Variants in CCDC148 observed in about 807,000 individuals in gnomAD.
The protein encoded by CCDC148 is coiled-coil domain-containing protein 148.
CCDC148 carries 89 observed loss-of-function variants against 85.7 expected under a neutral mutation model. That is an observed-to-expected ratio of 1.04 (90% CI 0.87 to 1.24). The LOEUF (loss-of-function observed/expected upper bound fraction) is 1.24, where lower values mean the gene tolerates loss of function less well. Among genes scored for constraint, CCDC148 ranks in the 50% most tolerant of loss-of-function variants. CCDC148 has a pLI of 0.00. For missense variants in CCDC148, 692 were observed against 671.7 expected (o/e 1.03, Z -0.33); for synonymous variants, 230 against 213.9 (o/e 1.08, Z -0.66).
chr2:158,344,241 T>C (rs1228466392), intron 3 of CCDC148, among the ~76,000 whole-genome samples: 1 of 152,132 alleles, frequency 6.6e-6, no homozygotes, highest in African/African-American at 2.4e-5. Flanking sequence ...ATGGGTCTAA[T>C]TTCATTGTAT....
intron 11 of CCDC148, among the ~76,000 whole-genome samples, chr2:158,192,705 G>C (rs1685480299): frequency 6.6e-6 from 1 of 151,750 alleles, no homozygotes; most frequent in African/African-American, 2.4e-5. Context: ...AACAGACCTG[G>C]CTCTCTCATG....
At chr2:158,382,034 T>A (rs1310993625) in intron 1 of CCDC148, among the ~76,000 whole-genome samples, 1 of 152,132 alleles carries the variant, frequency 6.6e-6, no homozygotes, top group African/African-American at 2.4e-5. Context: ...ATGGGATTAG[T>A]GTCCTTACAA....
rs547559289 is a variant in CCDC148, at chr2:158,246,521, A to G, written c.1251+4251T>C. 2.0e-5 allele frequency among the ~76,000 whole-genome samples: 3 copies of G among 152,230 alleles called. No homozygotes were observed. The East Asian group carries it at 5.8e-4, about 29-fold the overall frequency. ...CACACACTGCCCCAGTGCCAAAAATAAACATGGAACCTAAAGTCAGAGCAG... is the reference window on the plus strand; with the variant it reads ...CACACACTGCCCCAGTGCCAAAAATGAACATGGAACCTAAAGTCAGAGCAG... On this transcript the variant is annotated intron_variant, in intron 10 of 13. Coordinates refer to ENST00000283233, the MANE Select transcript of CCDC148 (RefSeq NM_138803.4).
chr2:158,225,113 A>G (rs1355164749), intron 10 of CCDC148, among the ~76,000 whole-genome samples: 1 of 152,208 alleles, frequency 6.6e-6, no homozygotes, highest in Non-Finnish European at 1.5e-5. Flanking sequence ...AGGAAGATCT[A>G]CCAAGCAAAA....
chr2:158,357,642 T>C (rs1260843624), intron 2 of CCDC148, among the ~76,000 whole-genome samples: 2 of 152,186 alleles, frequency 1.3e-5, no homozygotes, highest in African/African-American at 4.8e-5. Context: ...TCCCTGGCTT[T>C]TAAGTGGTCG....
chr2:158,436,396 A>C (rs1385020904), intron 1 of CCDC148, among the ~76,000 whole-genome samples: 1 of 152,126 alleles, frequency 6.6e-6, no homozygotes, highest in Admixed American at 6.6e-5. Flanking sequence ...CTAACGAAAT[A>C]AGGCAGAAAT....
intron 11 of CCDC148, among the ~76,000 whole-genome samples, chr2:158,218,700 C>A (rs1687016324): frequency 6.6e-6 from 1 of 152,124 alleles, no homozygotes. Flanking sequence ...GTTGCCTTGC[C>A]CTTTAGTATT....
chr2:158,446,172 A>AC (rs1314946228), intron 1 of CCDC148, among the ~76,000 whole-genome samples: 1 of 152,004 alleles, frequency 6.6e-6, no homozygotes, highest in East Asian at 1.9e-4. Flanking sequence ...ACATAGTGAG[A>AC]CCCCATCTCT....
chr2:158,354,035 C>G (rs1047170831), intron 2 of CCDC148, among the ~76,000 whole-genome samples: 5 of 151,982 alleles, frequency 3.3e-5, no homozygotes, highest in Non-Finnish European at 7.4e-5. Flanking sequence ...CCAATGAGAA[C>G]AAAGACACAA....
intron 9 of CCDC148, among the ~76,000 whole-genome samples, chr2:158,307,514 T>C (rs182777699): frequency 1.5e-4 from 23 of 152,332 alleles, no homozygotes; most frequent in Admixed American, 1.5e-3. Context: ...GCTAAACACA[T>C]CTGAGCCTTA....
chr2:158,217,429 G>A (rs1036927233), intron 11 of CCDC148, among the ~76,000 whole-genome samples: 5 of 147,564 alleles, frequency 3.4e-5, no homozygotes, highest in East Asian at 2.0e-4. Context: ...TTGAGATGGC[G>A]TCTCGCTCTG....
At chr2:158,424,974 CAA>C in intron 1 of CCDC148, 1 of 348,616 alleles carries the variant, frequency 2.9e-6, no homozygotes. Context: ...TTGCACAACC[CAA>C]AGAGATATAG....
At chr2:158,449,110 G>GCCA (rs1387142039) in intron 1 of CCDC148, among the ~76,000 whole-genome samples, 3 of 152,190 alleles carry the variant, frequency 2.0e-5, no homozygotes, top group African/African-American at 7.2e-5. Flanking sequence ...ACAGGCATGA[G>GCCA]CCACCGTGCC....
chr2:158,410,463 G>A (rs1168312409), intron 1 of CCDC148, among the ~76,000 whole-genome samples: 4 of 151,628 alleles, frequency 2.6e-5, no homozygotes, highest in Non-Finnish European at 2.9e-5. Flanking sequence ...TTTTTGTTAC[G>A]ACATGATTTT....
intron 1 of CCDC148, among the ~76,000 whole-genome samples, chr2:158,434,331 C>G (rs369149328): frequency 3.0e-4 from 45 of 152,298 alleles, no homozygotes; most frequent in African/African-American, 1.0e-3. Context: ...TGTTCTGCAG[C>G]CTCCACTGGT....
chr2:158,300,321 GA>G (rs1221474222), intron 9 of CCDC148, among the ~76,000 whole-genome samples: 1 of 152,192 alleles, frequency 6.6e-6, no homozygotes, highest in Non-Finnish European at 1.5e-5. Flanking sequence ...CCCAAACACT[GA>G]AAATCTAGGG....
At chr2:158,300,872 C>T (rs1045845459) in intron 9 of CCDC148, among the ~76,000 whole-genome samples, 12 of 152,122 alleles carry the variant, frequency 7.9e-5, no homozygotes, top group African/African-American at 2.2e-4. Context: ...TTTTAAGAGA[C>T]AGGGACTCAC....
chr2:158,345,215 C>G lies in CCDC148; in HGVS notation c.251G>C (p.Arg84Thr). ...WQEYQRLNEV[R>T]CKMESEIKSL... The stretch of plus-strand genomic sequence containing the variant: ...TCTTACTATGTCCCCCAGTTCTTAC[C>G]TGACTTCATTCAGCCTCTGGTATTC... The change falls in exon 3 of 14, where the codon AGA (arginine) becomes ACA (threonine). Residue 84 changes from arginine (R) to threonine (T), a missense_variant and splice_region_variant. Coordinates refer to ENST00000283233, the MANE Select transcript of CCDC148 (RefSeq NM_138803.4). 4 of 1,611,324 alleles carry G rather than the reference C, an allele frequency of 2.5e-6. No individual in the cohort carries two copies. The highest frequency in any genetic ancestry group is 3.4e-6 in the Non-Finnish European group (4 of 1,178,104).
At chr2:158,378,658 C>T (rs1684752374) in intron 1 of CCDC148, among the ~76,000 whole-genome samples, 1 of 152,140 alleles carries the variant, frequency 6.6e-6, no homozygotes, top group African/African-American at 2.4e-5. Flanking sequence ...CAGCTGGTGA[C>T]TTTAAGTTGA....
Sources: gnomAD v4.1 joint callset for allele counts (sites outside exome capture counted in the v4.1 genomes callset) on GRCh38, gnomAD v4.1.1 for gene constraint, MANE v1.5 for transcripts, NCBI Gene and HGNC (gene_info 2026-07-23, HGNC 2026-07-21) for gene names.